GFM1: variants seen among roughly 807,000 people sequenced by gnomAD.
GFM1 encodes the protein G elongation factor mitochondrial 1.
Under a neutral mutation model 96.2 loss-of-function variants are expected in GFM1, and 62 were observed. That is an observed-to-expected ratio of 0.64 (90% CI 0.53 to 0.80). GFM1 has a LOEUF of 0.80. GFM1 is among the 30% of genes least tolerant of loss of function. The probability of loss-of-function intolerance (pLI) is 0.00; values close to 1 mark genes in which losing one functional copy is unlikely to be tolerated. For synonymous variants in GFM1, 282 were observed against 312.9 expected (o/e 0.90, Z 1.04); for missense variants, 852 against 916.6 (o/e 0.93, Z 0.91).
At position 158,644,722 on chromosome 3, in the gene GFM1, G is replaced by C. The variant is rs1378966667; in HGVS notation, c.81+7G>C. ...AGGCTGGCAGAGGAAGCAGGTACCGGAGCATAGAGAGGCTAAATCGGGACC... is the reference window on the plus strand; with the variant it reads ...AGGCTGGCAGAGGAAGCAGGTACCGCAGCATAGAGAGGCTAAATCGGGACC... On this transcript the variant is annotated splice_region_variant and intron_variant, in intron 1 of 17. Transcript: ENST00000486715. 2 of 1,570,344 alleles carry C rather than the reference G, an allele frequency of 1.3e-6. No homozygotes were observed. Among genetic ancestry groups the C allele is most frequent in the East Asian group, 4.6e-5 (2 of 43,156 alleles).
intron 13 of GFM1, among the ~76,000 whole-genome samples, chr3:158,677,032 T>TGTG (rs1724962939): frequency 6.6e-6 from 1 of 152,190 alleles, no homozygotes; most frequent in Non-Finnish European, 1.5e-5. Context: ...ATATTCTAAC[T>TGTG]TCACATCTCT....
rs1167011524 is a variant in GFM1, at chr3:158,690,242, A to T, written c.1989A>T (p.Gln663His). The T allele has an allele frequency of 6.2e-7, 1 of 1,613,872 alleles. No individual in the cohort carries two copies. Among genetic ancestry groups the T allele is most frequent in the East Asian group, 2.2e-5 (1 of 44,862 alleles). ...TAGCTCCAAATGAATTTCAGGGACA[A>T]GTAATTGCAGGAATTAACCGACGCC... The part of the protein sequence containing the change: ...EVVAPNEFQG[Q>H]VIAGINRRHG... Residue 663 changes from glutamine (Q) to histidine (H), a missense_variant, in exon 16 of 18, where the codon CAA (glutamine) becomes CAT (histidine). Transcript: ENST00000486715.
At chr3:158,675,876 T>C (rs927493023) in intron 13 of GFM1, among the ~76,000 whole-genome samples, 5 of 152,218 alleles carry the variant, frequency 3.3e-5, no homozygotes, top group Non-Finnish European at 7.3e-5. Flanking sequence ...TTATACATTA[T>C]AAAATGATTA....
chr3:158,666,704 T>C (rs1344547401), intron 13 of GFM1: 2 of 1,614,066 alleles, frequency 1.2e-6, no homozygotes, highest in South Asian at 2.2e-5. Flanking sequence ...AGTGCCGTAT[T>C]GTGGATGCCA....
At chr3:158,672,071 CT>C (rs1560139024) in intron 13 of GFM1, among the ~76,000 whole-genome samples, 1 of 152,038 alleles carries the variant, frequency 6.6e-6, no homozygotes, top group East Asian at 1.9e-4. Flanking sequence ...AGTGCTGCCC[CT>C]TACCTAGAGC....
In GFM1 at chr3:158,652,293, G is replaced by A. The variant is rs758828876; in HGVS notation, c.840+47G>A. 35 of 1,572,908 alleles carry A rather than the reference G, an allele frequency of 2.2e-5. No individual in the cohort carries two copies. The South Asian group carries it at 2.8e-4, about 12-fold the overall frequency. ...CTTATGTTAACAACAAAAAGAAGTC[G>A]TTTGTTTTTTGTAGGGAGGGGACAT... On this transcript the variant is annotated intron_variant, in intron 6 of 17. Transcript: ENST00000486715.
chr3:158,690,249 G>T lies in GFM1; in HGVS notation c.1996G>T (p.Ala666Ser). 3.1e-6 allele frequency: 5 copies of T among 1,613,656 alleles called. No individual in the cohort carries two copies. The highest frequency in any genetic ancestry group is 4.2e-6 in the Non-Finnish European group (5 of 1,179,714). ...APNEFQGQVI[A>S]GINRRHGVIT... ...AAATGAATTTCAGGGACAAGTAATTGCAGGAATTAACCGACGCCATGGGGT... is the reference window on the plus strand; with the variant it reads ...AAATGAATTTCAGGGACAAGTAATTTCAGGAATTAACCGACGCCATGGGGT... Residue 666 changes from alanine (A) to serine (S), a missense_variant, in exon 16 of 18, where the codon GCA (alanine) becomes TCA (serine). Coordinates refer to ENST00000486715, the MANE Select transcript of GFM1 (RefSeq NM_024996.7).
intron 14 of GFM1, among the ~76,000 whole-genome samples, chr3:158,684,216 G>A (rs1360998491): frequency 3.9e-5 from 6 of 152,064 alleles, no homozygotes; most frequent in Admixed American, 3.9e-4. Context: ...TGAAGGATGA[G>A]AAGGAGAGGA....
At chr3:158,664,723 C>A (rs533815830) in intron 11 of GFM1, among the ~76,000 whole-genome samples, 72 of 152,290 alleles carry the variant, frequency 4.7e-4, no homozygotes, top group African/African-American at 1.7e-3. Context: ...ACCTTAGTTA[C>A]ATTTGCAAAG....
intron 16 of GFM1, 67 bp from the exon 17 acceptor site, chr3:158,691,072 G>C (rs1029553443): frequency 2.9e-6 from 3 of 1,049,218 alleles, no homozygotes; most frequent in Non-Finnish European, 3.0e-6. Flanking sequence ...TGGCTAAAAT[G>C]CGTCTGTATT....
At chr3:158,649,381 C>T (rs1339089901) in intron 5 of GFM1, 6 of 398,348 alleles carry the variant, frequency 1.5e-5, no homozygotes, top group Non-Finnish European at 2.8e-5. Flanking sequence ...ATACCCATAT[C>T]ACATTATGGC....
At chr3:158,644,898 C>G in intron 1 of GFM1, 183 bp downstream of exon 1, 4 of 628,160 alleles carry the variant, frequency 6.4e-6, no homozygotes, top group South Asian at 3.7e-5. Flanking sequence ...TCGTTTGTTT[C>G]GCTCTCTGGT....
At chr3:158,665,057 T>A (rs1405617382) in intron 11 of GFM1, among the ~76,000 whole-genome samples, 1 of 152,204 alleles carries the variant, frequency 6.6e-6, no homozygotes, top group Non-Finnish European at 1.5e-5. Flanking sequence ...GGACAGTGTG[T>A]CAATGTAAGA....
intron 8 of GFM1, 149 bp downstream of exon 8, chr3:158,654,780 A>C: frequency 3.0e-6 from 2 of 659,904 alleles, no homozygotes; most frequent in East Asian, 5.5e-5. Context: ...CAAAGCTCTG[A>C]CATGATAGTT....
chr3:158,648,400 C>T lies in GFM1; in HGVS notation c.573-641C>T, dbSNP rs546579545. ...TTTCTATTCAGTTTTGAGCCTGGGC[C>T]GGGCGCGGTGGCTCACACCTGTAAT... On this transcript the variant is annotated intron_variant, in intron 4 of 17. Transcript: ENST00000486715. Among the ~76,000 whole-genome samples the T allele has an allele frequency of 1.2e-4, 19 of 152,156 alleles. No individual in the cohort carries two copies. In the South Asian group the frequency reaches 2.9e-3, roughly 23 times the overall value.
At chr3:158,675,306 AAAAAC>A (rs1576775841) in intron 13 of GFM1, among the ~76,000 whole-genome samples, 2 of 146,140 alleles carry the variant, frequency 1.4e-5, no homozygotes, top group African/African-American at 2.6e-5. Context: ...AAAAAAAAAA[AAAAAC>A]AAGTTTTCAA....
intron 13 of GFM1, among the ~76,000 whole-genome samples, chr3:158,676,127 GA>G (rs1371768207): frequency 2.6e-5 from 4 of 152,184 alleles, no homozygotes; most frequent in Admixed American, 2.6e-4. Context: ...AAATTAGCCA[GA>G]TGTGATAGCA....
intron 15 of GFM1, among the ~76,000 whole-genome samples, chr3:158,685,667 A>G (rs1301520906): frequency 6.6e-6 from 1 of 152,170 alleles, no homozygotes; most frequent in African/African-American, 2.4e-5. Context: ...CAGTTATGAT[A>G]GGGAGATTTC....
chr3:158,666,845 G>A, intron 13 of GFM1: 1 of 1,416,694 alleles, frequency 7.1e-7, no homozygotes, highest in Non-Finnish European at 9.7e-7. Flanking sequence ...TCTTCACAAA[G>A]AATAGTACTT....
Sources: gnomAD v4.1 joint callset for allele counts (sites outside exome capture counted in the v4.1 genomes callset) on GRCh38, gnomAD v4.1.1 for gene constraint, MANE v1.5 for transcripts, NCBI Gene and HGNC (gene_info 2026-07-23, HGNC 2026-07-21) for gene names.